Variants in CDH13 observed in about 807,000 individuals in gnomAD.
CDH13 encodes cadherin 13.
CDH13 carries 24 observed loss-of-function variants against 63.8 expected under a neutral mutation model. The observed-to-expected ratio is 0.38, with a 90% confidence interval of 0.27 to 0.53. The LOEUF is 0.53. Among genes scored for constraint, CDH13 ranks in the 20% least tolerant of loss-of-function variants. The pLI, the probability that CDH13 is intolerant of heterozygous loss-of-function variation, is 0.85. For synonymous variants in CDH13, 503 were observed against 355.3 expected, an observed-to-expected ratio of 1.42 and a Z score of -4.67; for missense variants, 1,049 against 903.1, an observed-to-expected ratio of 1.16 and a Z score of -2.07.
At chr16:83,568,340 G>T (rs1904306862) in intron 7 of CDH13, among the ~76,000 whole-genome samples, 1 of 152,098 alleles carries the variant, frequency 6.6e-6, no homozygotes. Flanking sequence ...TTATCTCCTA[G>T]GAAGAAAACA....
At chr16:82,880,569 A>G (rs892049602) in intron 2 of CDH13, among the ~76,000 whole-genome samples, 1 of 152,146 alleles carries the variant, frequency 6.6e-6, no homozygotes, top group Admixed American at 6.5e-5. Context: ...CTGGTTATGG[A>G]TAATACTTGC....
At chr16:82,840,684 C>CAAAAAAAAA in intron 1 of CDH13, among the ~76,000 whole-genome samples, 1 of 86,746 alleles carries the variant, frequency 1.2e-5, no homozygotes, top group African/African-American at 4.6e-5. Context: ...GAATCCATCT[C>CAAAAAAAAA]AAAAAAAAAA....
chr16:83,144,360 T>C (rs2036658366), intron 4 of CDH13, among the ~76,000 whole-genome samples: 1 of 152,208 alleles, frequency 6.6e-6, no homozygotes, highest in South Asian at 2.1e-4. Flanking sequence ...GATGCTAACT[T>C]GAATTAGCTT....
intron 4 of CDH13, among the ~76,000 whole-genome samples, chr16:83,215,921 GTAA>G (rs944639112): frequency 5.3e-4 from 80 of 152,068 alleles, no homozygotes; most frequent in African/African-American, 1.9e-3. Context: ...ATACTTGAGG[GTAA>G]ACTCTAGATT....
At chr16:83,699,548 G>A (rs977774464) in intron 10 of CDH13, among the ~76,000 whole-genome samples, 5 of 152,110 alleles carry the variant, frequency 3.3e-5, no homozygotes, top group African/African-American at 1.2e-4. Flanking sequence ...CCATTTCTTA[G>A]CTGTCTCAAT....
intron 2 of CDH13, among the ~76,000 whole-genome samples, chr16:82,934,071 G>C (rs1274305089): frequency 6.6e-6 from 1 of 152,228 alleles, no homozygotes; most frequent in African/African-American, 2.4e-5. Flanking sequence ...CAGTGCCCCA[G>C]TGGGGACTAT....
intron 4 of CDH13, among the ~76,000 whole-genome samples, chr16:83,159,989 T>C (rs1020873614): frequency 6.6e-6 from 1 of 152,038 alleles, no homozygotes; most frequent in Admixed American, 6.6e-5. Flanking sequence ...GGCACGAGAA[T>C]TGCTTGAACC....
intron 4 of CDH13, among the ~76,000 whole-genome samples, chr16:83,214,197 G>A (rs2039425664): frequency 6.6e-6 from 1 of 152,098 alleles, no homozygotes; most frequent in Non-Finnish European, 1.5e-5. Flanking sequence ...TGACAGAGAA[G>A]AGGTGAGTGT....
chr16:83,207,021 A>G (rs1191727829), intron 4 of CDH13, among the ~76,000 whole-genome samples: 1 of 152,240 alleles, frequency 6.6e-6, no homozygotes, highest in East Asian at 1.9e-4. Flanking sequence ...GCAAGGACAT[A>G]GAGGATCTGA....
At chr16:82,931,460 T>C (rs7499431) in intron 2 of CDH13, among the ~76,000 whole-genome samples, 60,133 of 151,900 alleles carry the variant, frequency 0.4, 13,353 homozygotes, top group East Asian at 0.78. Context: ...TAAATGAAGT[T>C]TAGAAGTTCT....
chr16:83,157,630 C>T (rs1283716018), intron 4 of CDH13, among the ~76,000 whole-genome samples: 1 of 151,408 alleles, frequency 6.6e-6, no homozygotes, highest in Non-Finnish European at 1.5e-5. Context: ...CGCGGTGGTT[C>T]ACACCTGTCA....
At chr16:83,105,458 G>A (rs886308934) in intron 3 of CDH13, among the ~76,000 whole-genome samples, 10 of 152,248 alleles carry the variant, frequency 6.6e-5, no homozygotes, top group South Asian at 2.1e-4. Flanking sequence ...GAGGCAATTC[G>A]GCTGCCAGGG....
chr16:83,652,799 G>A (rs1274866662), intron 8 of CDH13, among the ~76,000 whole-genome samples: 1 of 152,156 alleles, frequency 6.6e-6, no homozygotes. Flanking sequence ...CCACTCCTAG[G>A]TGTAAACCGA....
chr16:83,254,648 G>A (rs1184884558), intron 5 of CDH13, among the ~76,000 whole-genome samples: 3 of 152,076 alleles, frequency 2.0e-5, no homozygotes, highest in Non-Finnish European at 2.9e-5. Context: ...GCAAGCCACC[G>A]CAAATCCAGT....
intron 5 of CDH13, among the ~76,000 whole-genome samples, chr16:83,275,642 G>A (rs2088963513): frequency 1.5e-5 from 2 of 137,032 alleles, no homozygotes; most frequent in African/African-American, 5.6e-5. Flanking sequence ...CCTCAGGAGT[G>A]AGCCTTATGA....
chr16:83,716,598 C>G (rs1040206394), intron 10 of CDH13, among the ~76,000 whole-genome samples: 6 of 152,156 alleles, frequency 3.9e-5, no homozygotes, highest in Admixed American at 2.6e-4. Context: ...ATCCTCCTGC[C>G]TCAGCCTCCA....
intron 3 of CDH13, among the ~76,000 whole-genome samples, chr16:83,038,036 G>A: frequency 6.6e-6 from 1 of 152,174 alleles, no homozygotes; most frequent in East Asian, 1.9e-4. Flanking sequence ...AGAAAGTAAA[G>A]CCAATGAAAA....
At chr16:82,713,189 G>A (rs1049104758) in intron 1 of CDH13, among the ~76,000 whole-genome samples, 19 of 152,076 alleles carry the variant, frequency 1.2e-4, no homozygotes, top group African/African-American at 4.1e-4. Flanking sequence ...AGAATCTTTT[G>A]GATGCTGAAT....
At chr16:82,924,045 G>A (rs1004007919) in intron 2 of CDH13, among the ~76,000 whole-genome samples, 2 of 152,204 alleles carry the variant, frequency 1.3e-5, no homozygotes, top group African/African-American at 2.4e-5. Flanking sequence ...AACAAGTCAT[G>A]AATCAGTTTT....
Sources: allele counts gnomAD v4.1 joint callset (sites outside exome capture counted in the v4.1 genomes callset), GRCh38; gene constraint gnomAD v4.1.1; transcripts MANE v1.5; gene names NCBI Gene and HGNC (gene_info 2026-07-23, HGNC 2026-07-21).